Variants in TMEM178B observed in about 807,000 individuals in gnomAD.
TMEM178B encodes transmembrane protein 178B.
In TMEM178B, 5 loss-of-function variants were observed where a neutral mutation model predicts 31.0. The ratio of observed to expected loss-of-function variants is 0.16; its 90% CI spans 0.08 to 0.34. TMEM178B has a LOEUF of 0.34. Among genes scored for constraint, TMEM178B ranks in the 10% least tolerant of loss-of-function variants. The probability of loss-of-function intolerance (pLI) is 1.00; values close to 1 mark genes in which losing one functional copy is unlikely to be tolerated. For missense variants in TMEM178B, 275 were observed against 400.3 expected, an observed-to-expected ratio of 0.69 and a Z score of 2.67; for synonymous variants, 164 against 164.0, an observed-to-expected ratio of 1.00 and a Z score of 0.00.
At chr7:141,204,441 G>A (rs980101594) in intron 1 of TMEM178B, among the ~76,000 whole-genome samples, 11 of 152,318 alleles carry the variant, frequency 7.2e-5, no homozygotes, top group African/African-American at 2.6e-4. Context: ...GAGGGCTGCT[G>A]GGTGCTTGCT....
chr7:141,106,155 A>G (rs1586771570), intron 1 of TMEM178B, among the ~76,000 whole-genome samples: 1 of 151,526 alleles, frequency 6.6e-6, no homozygotes, highest in Non-Finnish European at 1.5e-5. Flanking sequence ...TGAAAAGGTG[A>G]GTTTGTATTT....
intron 2 of TMEM178B, among the ~76,000 whole-genome samples, chr7:141,346,917 T>C (rs759928685): frequency 6.6e-6 from 1 of 152,094 alleles, no homozygotes; most frequent in Non-Finnish European, 1.5e-5. Flanking sequence ...TGGGAGGTAA[T>C]TGGATTGTGG....
chr7:141,420,907 G>T (rs1003620029), intron 2 of TMEM178B, among the ~76,000 whole-genome samples: 8 of 152,186 alleles, frequency 5.3e-5, no homozygotes, highest in Non-Finnish European at 1.2e-4. Flanking sequence ...AACTACTGGG[G>T]CAGAGTCATT....
At chr7:141,310,473 T>C (rs1365712463) in intron 2 of TMEM178B, among the ~76,000 whole-genome samples, 1 of 152,182 alleles carries the variant, frequency 6.6e-6, no homozygotes, top group African/African-American at 2.4e-5. Context: ...GTTTGTTACA[T>C]AGGTATACAT....
At chr7:141,329,533 T>C (rs986834520) in intron 2 of TMEM178B, among the ~76,000 whole-genome samples, 1 of 152,236 alleles carries the variant, frequency 6.6e-6, no homozygotes, top group Non-Finnish European at 1.5e-5. Context: ...AGGATAAAGC[T>C]TTTCTGTCAT....
chr7:141,373,656 C>A (rs1401684569), intron 2 of TMEM178B, among the ~76,000 whole-genome samples: 1 of 152,154 alleles, frequency 6.6e-6, no homozygotes, highest in African/African-American at 2.4e-5. Flanking sequence ...TCCACCCCCC[C>A]AACACACATT....
intron 3 of TMEM178B, among the ~76,000 whole-genome samples, chr7:141,469,899 T>C (rs989378038): frequency 6.6e-6 from 1 of 152,224 alleles, no homozygotes; most frequent in Non-Finnish European, 1.5e-5. Context: ...TGCGTGTTCA[T>C]GGGTGAGAAG....
chr7:141,385,933 A>G (rs987366436), intron 2 of TMEM178B, among the ~76,000 whole-genome samples: 1 of 152,240 alleles, frequency 6.6e-6, no homozygotes, highest in Non-Finnish European at 1.5e-5. Context: ...TGTGTTGCAG[A>G]GAGATTGGAC....
intron 1 of TMEM178B, among the ~76,000 whole-genome samples, chr7:141,167,862 T>C (rs939782360): frequency 6.6e-6 from 1 of 152,212 alleles, no homozygotes; most frequent in African/African-American, 2.4e-5. Flanking sequence ...GAAGCAGCTT[T>C]TTCCTGCTGC....
intron 2 of TMEM178B, among the ~76,000 whole-genome samples, chr7:141,316,061 C>T (rs763345298): frequency 2.0e-5 from 3 of 151,982 alleles, no homozygotes; most frequent in Admixed American, 1.3e-4. Context: ...GAGTGATGCC[C>T]GGGGTGGAAT....
At chr7:141,467,225 C>T (rs80344236) in intron 3 of TMEM178B, among the ~76,000 whole-genome samples, 2 of 152,152 alleles carry the variant, frequency 1.3e-5, no homozygotes, top group South Asian at 4.2e-4. Context: ...CCCTGGGGAC[C>T]ATCAGAGAAT....
intron 2 of TMEM178B, among the ~76,000 whole-genome samples, chr7:141,393,685 C>A (rs934973889): frequency 2.0e-5 from 3 of 152,172 alleles, no homozygotes; most frequent in African/African-American, 7.2e-5. Context: ...AAGATGTTCT[C>A]ATAATCTCAA....
chr7:141,504,180 T>G, the TMEM178B span, among the ~76,000 whole-genome samples: 427 of 152,376 alleles, frequency 2.8e-3, 1 homozygote, highest in Admixed American at 6.6e-3. Context: ...TGTATCTGTT[T>G]AAAAATCTTG....
Position 141,133,165 on chromosome 7 carries a change from A to C in TMEM178B, c.382+58473A>C, listed in dbSNP as rs868539195. 1.3e-5 allele frequency among the ~76,000 whole-genome samples: 2 copies of C among 152,338 alleles called. 1 individual carries two copies. ...TGTGCAGGTATTAATGTAAGGACACAATAAACATGAAAAAGCAAAAAGATA... is the reference window on the plus strand; with the variant it reads ...TGTGCAGGTATTAATGTAAGGACACCATAAACATGAAAAAGCAAAAAGATA... On this transcript the variant is annotated intron_variant, in intron 1 of 3. Coordinates refer to ENST00000565468, the MANE Select transcript of TMEM178B (RefSeq NM_001195278.2).
chr7:141,386,184 T>C (rs987361261), intron 2 of TMEM178B, among the ~76,000 whole-genome samples: 21 of 152,278 alleles, frequency 1.4e-4, no homozygotes, highest in African/African-American at 4.6e-4. Context: ...GGAGTTGTCA[T>C]GGATTTAATT....
At chr7:141,263,924 A>C (rs1394092962) in intron 2 of TMEM178B, among the ~76,000 whole-genome samples, 2 of 152,264 alleles carry the variant, frequency 1.3e-5, no homozygotes, top group East Asian at 3.8e-4. Context: ...GATTAAAATT[A>C]GCCAAGGGAA....
intron 1 of TMEM178B, among the ~76,000 whole-genome samples, chr7:141,134,307 A>G (rs185342243): frequency 4.9e-4 from 75 of 152,304 alleles, no homozygotes; most frequent in Admixed American, 5.2e-4. Context: ...AGGGGGGAAA[A>G]AAAAGAAAAG....
At chr7:141,392,752 G>A (rs1800568597) in intron 2 of TMEM178B, among the ~76,000 whole-genome samples, 1 of 151,840 alleles carries the variant, frequency 6.6e-6, no homozygotes, top group South Asian at 2.1e-4. Context: ...GTTTTGAGCA[G>A]GAGAGAAAAG....
At chr7:141,130,005 G>A (rs1489297862) in intron 1 of TMEM178B, among the ~76,000 whole-genome samples, 1 of 152,134 alleles carries the variant, frequency 6.6e-6, no homozygotes, top group East Asian at 1.9e-4. Flanking sequence ...TCTCATAGTG[G>A]CTGCCCTTAA....
Sources: allele counts gnomAD v4.1 joint callset (sites outside exome capture counted in the v4.1 genomes callset), GRCh38; gene constraint gnomAD v4.1.1; transcripts MANE v1.5; gene names NCBI Gene and HGNC (gene_info 2026-07-23, HGNC 2026-07-21).